NREP: variants seen among roughly 807,000 people sequenced by gnomAD.
NREP encodes neuronal regeneration related protein.
Under a neutral mutation model 8.6 loss-of-function variants are expected in NREP, and 5 were observed. That is an observed-to-expected ratio of 0.58 (90% CI 0.30 to 1.22). The LOEUF (loss-of-function observed/expected upper bound fraction) is 1.22, where lower values mean the gene tolerates loss of function less well. Among genes scored for constraint, NREP ranks in the 50% most tolerant of loss-of-function variants. The pLI, the probability that NREP is intolerant of heterozygous loss-of-function variation, is 0.07. For synonymous variants in NREP, 27 were observed against 28.0 expected (o/e 0.96, Z 0.11); for missense variants, 86 against 82.5 (o/e 1.04, Z -0.17).
At chr5:111,908,699 C>G (rs1003487526) in intron 2 of NREP, among the ~76,000 whole-genome samples, 1 of 151,846 alleles carries the variant, frequency 6.6e-6, no homozygotes, top group African/African-American at 2.4e-5. Context: ...TGGTTGACTC[C>G]GTGTTTTTGC....
intron 2 of NREP, among the ~76,000 whole-genome samples, chr5:111,841,851 C>A (rs780809409): frequency 2.0e-5 from 3 of 152,088 alleles, no homozygotes; most frequent in African/African-American, 4.8e-5. Flanking sequence ...CTTTTGCTTA[C>A]TGCTAATGTT....
At chr5:111,936,880 A>G (rs2112608859) in intron 2 of NREP, among the ~76,000 whole-genome samples, 1 of 152,166 alleles carries the variant, frequency 6.6e-6, no homozygotes, top group South Asian at 2.1e-4. Context: ...TGTCTAACAC[A>G]AGGTGCTATT....
chr5:111,902,816 T>A (rs1754677670), intron 2 of NREP, among the ~76,000 whole-genome samples: 1 of 152,102 alleles, frequency 6.6e-6, no homozygotes, highest in Non-Finnish European at 1.5e-5. Context: ...AATGGGAAAT[T>A]ATTAAAGAGT....
Position 111,729,899 on chromosome 5 carries a change from C to T in NREP, c.*1022G>A, listed in dbSNP as rs541987908. 18 of 152,656 alleles carry T rather than the reference C, an allele frequency of 1.2e-4. No individual in the cohort carries two copies. Among genetic ancestry groups the T allele is most frequent in the African/African-American group, 4.1e-4 (17 of 41,528 alleles). 9.5% of individuals were successfully genotyped at this position (152,656 alleles called of 1,614,324 possible). A position where few individuals can be genotyped will look rare whatever the true frequency, so the allele number is the denominator to read the frequency against. On this transcript the variant is annotated 3_prime_UTR_variant, in exon 4 of 4. Transcript: ENST00000257435. ...TGGAAAAGGTGTCATTTTCATATTC[C>T]CACTCAGATGCCAGTGTTTTGGGTT...
chr5:111,934,807 A>G (rs1405261666), intron 2 of NREP, among the ~76,000 whole-genome samples: 2 of 152,112 alleles, frequency 1.3e-5, no homozygotes, highest in Non-Finnish European at 2.9e-5. Flanking sequence ...TGTCCTGGAA[A>G]TATGGAGAAC....
chr5:111,838,599 T>C (rs955586224), intron 2 of NREP, among the ~76,000 whole-genome samples: 1 of 152,118 alleles, frequency 6.6e-6, no homozygotes, highest in Admixed American at 6.6e-5. Flanking sequence ...TTCAAATCTA[T>C]AGCAGCATCT....
intron 2 of NREP, among the ~76,000 whole-genome samples, chr5:111,875,287 C>G (rs1753877783): frequency 6.6e-6 from 1 of 151,852 alleles, no homozygotes; most frequent in South Asian, 2.1e-4. Flanking sequence ...TAATAGGCCT[C>G]TGAGGCAAAT....
At chr5:111,867,623 A>C (rs1186114114) in intron 2 of NREP, among the ~76,000 whole-genome samples, 1 of 152,160 alleles carries the variant, frequency 6.6e-6, no homozygotes, top group Non-Finnish European at 1.5e-5. Context: ...TAGAGCAAGA[A>C]ATGTTTAAAT....
intron 2 of NREP, among the ~76,000 whole-genome samples, chr5:111,846,809 A>G (rs1010963423): frequency 6.6e-6 from 1 of 152,140 alleles, no homozygotes; most frequent in East Asian, 1.9e-4. Flanking sequence ...GATTTCTTTC[A>G]CTAGCTTAAC....
intron 2 of NREP, among the ~76,000 whole-genome samples, chr5:111,786,185 C>T (rs1462100042): frequency 1.3e-5 from 2 of 152,178 alleles, no homozygotes; most frequent in East Asian, 1.9e-4. Context: ...CTCACAAGAT[C>T]CAATGGTTTT....
intron 2 of NREP, among the ~76,000 whole-genome samples, chr5:111,748,804 G>C (rs1281781623): frequency 1.3e-5 from 2 of 152,148 alleles, no homozygotes; most frequent in Non-Finnish European, 2.9e-5. Context: ...AAAGGGAAAG[G>C]TGTTGCTCAG....
At chr5:111,856,875 G>A (rs946119023) in intron 2 of NREP, among the ~76,000 whole-genome samples, 4 of 152,082 alleles carry the variant, frequency 2.6e-5, no homozygotes, top group African/African-American at 9.7e-5. Context: ...GTTGGCGGCT[G>A]GTTGAGTAGT....
upstream of NREP, among the ~76,000 whole-genome samples, chr5:111,762,454 C>T (rs770969384): frequency 1.2e-4 from 18 of 151,954 alleles, no homozygotes; most frequent in Non-Finnish European, 2.4e-4. Context: ...CCCCTCCCCC[C>T]ACACACCACC....
chr5:111,783,821 C>T lies in NREP; in HGVS notation c.136-48314G>A, dbSNP rs147348404. Among the ~76,000 whole-genome samples, 3 of 152,232 alleles carry T rather than the reference C, an allele frequency of 2.0e-5. No homozygotes were observed. In the East Asian group the frequency reaches 5.8e-4, roughly 29 times the overall value. On this transcript the variant is annotated intron_variant, in intron 2 of 3. Coordinates refer to the NREP transcript ENST00000395634. ...AGACTCTGTCTTACTCACCTTTTAT[C>T]CCTAAACCTGGCGTGTTTAAATGAA...
At chr5:111,793,747 G>A (rs78795543) in intron 2 of NREP, among the ~76,000 whole-genome samples, 4,367 of 152,304 alleles carry the variant, frequency 0.029, 77 homozygotes, top group East Asian at 0.038. Context: ...AAGTAAAGTT[G>A]ATGGCACATA....
intron 2 of NREP, among the ~76,000 whole-genome samples, chr5:111,871,049 A>G (rs1396336304): frequency 5.0e-5 from 4 of 79,720 alleles, no homozygotes; most frequent in Non-Finnish European, 9.2e-5. Flanking sequence ...AACAGAACCA[A>G]TGGCGTGTGT....
chr5:111,971,444 G>A (rs1308760821), intron 2 of NREP, among the ~76,000 whole-genome samples: 1 of 152,018 alleles, frequency 6.6e-6, no homozygotes, highest in East Asian at 1.9e-4. Flanking sequence ...CCATGAAGCT[G>A]GAGGCATCAC....
intron 2 of NREP, among the ~76,000 whole-genome samples, chr5:111,842,429 C>G (rs1753051042): frequency 6.6e-6 from 1 of 152,054 alleles, no homozygotes; most frequent in South Asian, 2.1e-4. Flanking sequence ...TTATAACATT[C>G]TATTTTAAAT....
At chr5:111,782,930 G>A (rs1386826439) in intron 2 of NREP, among the ~76,000 whole-genome samples, 1 of 151,860 alleles carries the variant, frequency 6.6e-6, no homozygotes, top group Non-Finnish European at 1.5e-5. Context: ...ACAAGGTTTC[G>A]CTATGTTGGC....
Sources: allele counts gnomAD v4.1 joint callset (sites outside exome capture counted in the v4.1 genomes callset), GRCh38; gene constraint gnomAD v4.1.1; transcripts MANE v1.5; gene names NCBI Gene and HGNC (gene_info 2026-07-23, HGNC 2026-07-21).